Variants in SETBP1 observed in about 807,000 individuals in gnomAD.
SETBP1 encodes the protein SET-binding protein.
SETBP1 carries 9 observed loss-of-function variants against 101.0 expected under a neutral mutation model. That is an observed-to-expected ratio of 0.09 (90% CI 0.05 to 0.16). The LOEUF (loss-of-function observed/expected upper bound fraction) is 0.16. Ranked by LOEUF, SETBP1 falls within the 10% of genes least tolerant of loss-of-function variation. The pLI, the probability that SETBP1 is intolerant of heterozygous loss-of-function variation, is 1.00. For synonymous variants in SETBP1, 818 were observed against 788.5 expected (o/e 1.04, Z -0.63); for missense variants, 1,858 against 2,033.8 (o/e 0.91, Z 1.66).
intron 2 of SETBP1, among the ~76,000 whole-genome samples, chr18:44,745,119 G>A (rs1213668623): frequency 6.6e-6 from 1 of 152,170 alleles, no homozygotes; most frequent in African/African-American, 2.4e-5. Context: ...CGGCTGCTGC[G>A]ACGCCCTGCC....
chr18:44,701,350 G>A lies in SETBP1; in HGVS notation c.4G>A (p.Glu2Lys). 6.7e-7 allele frequency: 1 copy of A among 1,494,238 alleles called. No homozygotes were observed. The highest frequency in any genetic ancestry group is 2.5e-5 in the East Asian group (1 of 40,380). 92.6% of individuals were successfully genotyped at this position (1,494,238 alleles called of 1,614,324 possible). A position where few individuals can be genotyped will look rare whatever the true frequency, so the allele number is the denominator to read the frequency against. MESRETLSSSRQ... is the reference protein window; with the variant it reads MKSRETLSSSRQ... ...CCGGAAGACTGTAGAGATTGTCATGGAGTCCAGGGAAACCTTAAGCAGCTC... is the reference window on the plus strand; with the variant it reads ...CCGGAAGACTGTAGAGATTGTCATGAAGTCCAGGGAAACCTTAAGCAGCTC... Residue 2 changes from glutamate to lysine, a missense_variant, in exon 2 of 6, where the codon GAG becomes AAG. Glu to Lys is a moderately conservative substitution (Grantham distance 56). Around this residue, in one of 12 missense-constraint regions of SETBP1, gnomAD observed 97 missense variants for 101.2 expected, o/e 0.96. Coordinates refer to ENST00000649279, the MANE Select transcript of SETBP1 (RefSeq NM_015559.3).
rs1220943461 is a variant in SETBP1 at position 44,950,924 on chromosome 18, A to G, written c.1584A>G (p.Ala528=). Residue 528 remains alanine (A), a synonymous_variant, in exon 4 of 6, where the codon GCA becomes GCG. Coordinates refer to ENST00000649279, the MANE Select transcript of SETBP1 (RefSeq NM_015559.3). The part of the protein sequence containing the change: ...LPEIQHPKFA[A]KRRWTCSKPK... Reference sequence around the variant, plus strand: ...AAATCCAGCATCCAAAATTTGCTGCAAAACGAAGGTGGACTTGCAGCAAAC... The same window carrying G: ...AAATCCAGCATCCAAAATTTGCTGCGAAACGAAGGTGGACTTGCAGCAAAC... 1 of 1,614,082 alleles carries G rather than the reference A, an allele frequency of 6.2e-7. No homozygotes were observed. Among genetic ancestry groups the G allele is most frequent in the Non-Finnish European group, 8.5e-7 (1 of 1,180,048 alleles).
At chr18:44,808,054 T>C (rs1444594262) in intron 2 of SETBP1, among the ~76,000 whole-genome samples, 1 of 152,118 alleles carries the variant, frequency 6.6e-6, no homozygotes, top group Non-Finnish European at 1.5e-5. Flanking sequence ...AGATTGGAGG[T>C]GAAAGATATC....
intron 2 of SETBP1, among the ~76,000 whole-genome samples, chr18:44,774,376 GGTGT>G (rs145493324): frequency 2.0e-5 from 3 of 147,510 alleles, no homozygotes; most frequent in African/African-American, 7.5e-5. Flanking sequence ...TGTGTGTGTG[GGTGT>G]GTGTGTGTGT....
chr18:45,061,862 CG>C, intron 5 of SETBP1, among the ~76,000 whole-genome samples: 1 of 152,338 alleles, frequency 6.6e-6, no homozygotes, highest in African/African-American at 2.4e-5. Flanking sequence ...TCCCTCTATG[CG>C]TAGGTCTTCC....
Position 44,996,794 on chromosome 18 carries a change from CCA to C in SETBP1, c.4001-41688_4001-41687del, listed in dbSNP as rs369899583. On this transcript the variant is annotated intron_variant, in intron 4 of 5. Coordinates refer to ENST00000649279, the MANE Select transcript of SETBP1 (RefSeq NM_015559.3). ...TACTCCTATACTCTTCTTTTCCAGC[CCA>C]CAGAGCACTGGATTAAGGCAGAGGC... Among the ~76,000 whole-genome samples the C allele has an allele frequency of 3.3e-5, 5 of 152,122 alleles. No homozygotes were observed. In the East Asian group the frequency reaches 7.7e-4, roughly 24 times the overall value.
chr18:44,984,208 A>C (rs916296440), intron 4 of SETBP1, among the ~76,000 whole-genome samples: 6 of 152,184 alleles, frequency 3.9e-5, no homozygotes, highest in Non-Finnish European at 7.3e-5. Context: ...AAACAAAAAC[A>C]AAAACCATGT....
intron 3 of SETBP1, among the ~76,000 whole-genome samples, chr18:44,890,835 G>T (rs1377438599): frequency 1.3e-5 from 2 of 152,112 alleles, no homozygotes; most frequent in African/African-American, 4.8e-5. Context: ...TAAATGAATT[G>T]CCCAAGCTCA....
chr18:44,701,540 C>T lies in SETBP1; in HGVS notation c.194C>T (p.Ser65Leu). The T allele has an allele frequency of 1.2e-6, 2 of 1,614,112 alleles. No individual in the cohort carries two copies. Among genetic ancestry groups the T allele is most frequent in the Non-Finnish European group, 1.7e-6 (2 of 1,179,984 alleles). ...CCAGAGGAGGAGGATGAACTAGGCTCAGGGCGGGATGTGGATTCCAACTCC... is the reference window on the plus strand; with the variant it reads ...CCAGAGGAGGAGGATGAACTAGGCTTAGGGCGGGATGTGGATTCCAACTCC... ...MEPEEEDELG[S>L]GRDVDSNSNA... The change falls in exon 2 of 6, where the codon TCA (serine) becomes TTA (leucine). Residue 65 changes from serine to leucine, a missense_variant. Physicochemically the swap from Ser to Leu is moderately radical, Grantham distance 145. Transcript: ENST00000649279.
At chr18:44,912,448 G>A (rs2070332436) in intron 3 of SETBP1, among the ~76,000 whole-genome samples, 2 of 152,058 alleles carry the variant, frequency 1.3e-5, no homozygotes, top group South Asian at 4.1e-4. Context: ...TGCTCACTGA[G>A]CACACCTGTC....
intron 2 of SETBP1, among the ~76,000 whole-genome samples, chr18:44,709,317 C>T (rs1319226545): frequency 6.6e-6 from 1 of 152,116 alleles, no homozygotes; most frequent in Admixed American, 6.5e-5. Flanking sequence ...TGAAGCATGG[C>T]TGGTGTGCTC....
chr18:44,979,903 T>G (rs912355414), intron 4 of SETBP1, among the ~76,000 whole-genome samples: 1 of 152,234 alleles, frequency 6.6e-6, no homozygotes, highest in African/African-American at 2.4e-5. Context: ...AAGCAGTTCC[T>G]TCTTAATAAC....
intron 3 of SETBP1, among the ~76,000 whole-genome samples, chr18:44,948,236 G>C (rs1030949070): frequency 6.6e-6 from 1 of 152,100 alleles, no homozygotes; most frequent in African/African-American, 2.4e-5. Flanking sequence ...TTCACTTGAG[G>C]AAACTATCTC....
intron 4 of SETBP1, among the ~76,000 whole-genome samples, chr18:44,980,038 G>T (rs1014080756): frequency 6.6e-6 from 1 of 152,212 alleles, no homozygotes; most frequent in Non-Finnish European, 1.5e-5. Context: ...CGTGGTTAGA[G>T]CAGTGACCAC....
chr18:45,025,748 C>T (rs2073152645), intron 4 of SETBP1, among the ~76,000 whole-genome samples: 1 of 152,156 alleles, frequency 6.6e-6, no homozygotes, highest in Non-Finnish European at 1.5e-5. Context: ...TTTCTCAAGC[C>T]ATATACAGTG....
chr18:44,923,516 A>AT (rs1466022576), intron 3 of SETBP1, among the ~76,000 whole-genome samples: 1 of 152,170 alleles, frequency 6.6e-6, no homozygotes, highest in East Asian at 1.9e-4. Flanking sequence ...CTTGGGAAAA[A>AT]TTTGTCCTAT....
chr18:44,728,164 A>G (rs2069757337), intron 2 of SETBP1, among the ~76,000 whole-genome samples: 1 of 152,236 alleles, frequency 6.6e-6, no homozygotes. Context: ...TCACTTTTGC[A>G]CAGTTTGGCT....
chr18:44,978,852 T>A (rs980657251), intron 4 of SETBP1, among the ~76,000 whole-genome samples: 1 of 152,102 alleles, frequency 6.6e-6, no homozygotes, highest in South Asian at 2.1e-4. Flanking sequence ...CCATTTTACA[T>A]TGAAAAAAAA....
chr18:44,787,876 A>AAAAAAAAAAAAAAAAAG (rs1316464573), intron 2 of SETBP1, among the ~76,000 whole-genome samples: 1 of 130,198 alleles, frequency 7.7e-6, no homozygotes, highest in Non-Finnish European at 1.6e-5. Context: ...AAAAAAAAAA[A>AAAAAAAAAAAAAAAAAG]AAAAGAAAAT....
Sources: allele counts gnomAD v4.1 joint callset (sites outside exome capture counted in the v4.1 genomes callset), GRCh38; gene constraint gnomAD v4.1.1; regional missense constraint gnomAD v4.1.1; transcripts MANE v1.5; gene names NCBI Gene and HGNC (gene_info 2026-07-23, HGNC 2026-07-21).